Variants in ADAMTS20 observed in about 807,000 individuals in gnomAD.
ADAMTS20 encodes the protein ADAM metallopeptidase with thrombospondin type 1 motif 20.
Under a neutral mutation model 260.1 loss-of-function variants are expected in ADAMTS20, and 225 were observed. The ratio of observed to expected loss-of-function variants is 0.87; its 90% CI spans 0.78 to 0.97. The LOEUF is 0.97. Among genes scored for constraint, ADAMTS20 ranks in the 50% least tolerant of loss-of-function variants. The pLI, the probability that ADAMTS20 is intolerant of heterozygous loss-of-function variation, is 0.00. For synonymous variants in ADAMTS20, 802 were observed against 769.5 expected, an observed-to-expected ratio of 1.04 and a Z score of -0.70; for missense variants, 2,400 against 2,337.7, an observed-to-expected ratio of 1.03 and a Z score of -0.55.
chr12:43,520,903 T>C (rs1277342541), intron 3 of ADAMTS20, among the ~76,000 whole-genome samples: 1 of 152,244 alleles, frequency 6.6e-6, no homozygotes, highest in African/African-American at 2.4e-5. Context: ...TGTTTCTTTT[T>C]GTTTTTTTCC....
At chr12:43,437,814 G>GTC (rs1941585103) in intron 18 of ADAMTS20, among the ~76,000 whole-genome samples, 1 of 151,786 alleles carries the variant, frequency 6.6e-6, no homozygotes, top group South Asian at 2.1e-4. Context: ...AATAATGAAG[G>GTC]AAAATCTCAA....
chr12:43,376,204 TTAAAA>T (rs1940223774), intron 34 of ADAMTS20, 27 bp downstream of exon 34: 2 of 1,539,872 alleles, frequency 1.3e-6, no homozygotes, highest in African/African-American at 1.4e-5. Context: ...ATGATCAATG[TTAAAA>T]TAAAAAAGGA....
At position 43,551,000 on chromosome 12, in the gene ADAMTS20, G is replaced by A. The variant is rs774730429; in HGVS notation, c.362C>T (p.Ala121Val). 6.2e-6 allele frequency: 10 copies of A among 1,613,226 alleles called. No homozygotes were observed. In the South Asian group the frequency reaches 1.1e-4, roughly 18 times the overall value. The part of the protein sequence containing the change: ...TPERGAWESD[A>V]GPSDLRHCFY... ...GCAGTGGCGCAGGTCCGAGGGCCCT[G>A]CGTCGCTCTCCCAGGCCCCGCGCTC... Residue 121 changes from alanine (A) to valine (V), a missense_variant, in exon 2 of 39, where the codon GCA becomes GTA. By Grantham distance (64) the Ala-to-Val change is moderately conservative (BLOSUM62 0). Transcript: ENST00000389420.
At chr12:43,468,393 CTT>C (rs1942192874) in intron 8 of ADAMTS20, among the ~76,000 whole-genome samples, 1 of 152,148 alleles carries the variant, frequency 6.6e-6, no homozygotes, top group African/African-American at 2.4e-5. Flanking sequence ...AGTTCTAGTT[CTT>C]TGCTTAGTCT....
chr12:43,495,082 TATA>T (rs1195405403), intron 4 of ADAMTS20, among the ~76,000 whole-genome samples: 1 of 152,208 alleles, frequency 6.6e-6, no homozygotes, highest in Non-Finnish European at 1.5e-5. Context: ...ATCTGGATGT[TATA>T]ATATCAGCTA....
intron 3 of ADAMTS20, among the ~76,000 whole-genome samples, chr12:43,513,812 C>CA (rs1036965214): frequency 2.0e-5 from 3 of 149,604 alleles, no homozygotes; most frequent in East Asian, 2.0e-4. Context: ...ATTGCAAGGA[C>CA]AAAAAAACAA....
Position 43,454,042 on chromosome 12 carries a change from T to C in ADAMTS20, c.1625A>G (p.His542Arg). 6.2e-7 allele frequency: 1 copy of C among 1,612,600 alleles called. No homozygotes were observed. Residue 542 changes from histidine (H) to arginine (R), a missense_variant, in exon 12 of 39, where the codon CAT (histidine) becomes CGT (arginine). Transcript: ENST00000389420. ...CGTTTCTTTGTTTACACATAGCCCA[T>C]GACGGCAATGCTATAAAAATAATAA... ...TDCGPGMHCRHGLCVNKETET... is the reference protein window; with the variant it reads ...TDCGPGMHCRRGLCVNKETET...
chr12:43,431,733 TAGA>T (rs1941447767), intron 21 of ADAMTS20, among the ~76,000 whole-genome samples: 1 of 152,174 alleles, frequency 6.6e-6, no homozygotes, highest in African/African-American at 2.4e-5. Flanking sequence ...AAACTAACCT[TAGA>T]ATAAGTATTC....
At position 43,532,097 on chromosome 12, in the gene ADAMTS20, A is replaced by C. The variant is rs1943229504; in HGVS notation, c.552T>G (p.Leu184=). The part of the protein sequence containing the change: ...EYEDGHNKPH[L]IYRQDLNNSF... Reference sequence around the variant, plus strand: ...AGTTATTTAAGTCTTGTCTGTATATAAGATGTGGCTTGTTGTGACCATCTT... The same window carrying C: ...AGTTATTTAAGTCTTGTCTGTATATCAGATGTGGCTTGTTGTGACCATCTT... The change falls in exon 3 of 39, where the codon CTT becomes CTG. Residue 184 remains leucine (L), a synonymous_variant. Transcript: ENST00000389420. The C allele has an allele frequency of 6.2e-7, 1 of 1,612,450 alleles. No homozygotes were observed. Among genetic ancestry groups the C allele is most frequent in the Non-Finnish European group, 8.5e-7 (1 of 1,179,290 alleles).
intron 37 of ADAMTS20, among the ~76,000 whole-genome samples, chr12:43,363,465 G>A (rs558483680): frequency 1.8e-4 from 27 of 152,172 alleles, no homozygotes; most frequent in African/African-American, 6.5e-4. Context: ...TGCTGACAAG[G>A]TCAAAAGCCA....
At chr12:43,424,963 T>C (rs1330102487) in intron 28 of ADAMTS20, among the ~76,000 whole-genome samples, 7 of 151,992 alleles carry the variant, frequency 4.6e-5, no homozygotes, top group Admixed American at 4.6e-4. Flanking sequence ...ACAAAGTGTA[T>C]GCATCCCACA....
At chr12:43,387,700 T>G (rs954305439) in intron 29 of ADAMTS20, among the ~76,000 whole-genome samples, 48 of 152,184 alleles carry the variant, frequency 3.2e-4, no homozygotes, top group African/African-American at 1.1e-3. Flanking sequence ...AGCAGAGGAA[T>G]CTAGAGAGGC....
chr12:43,404,709 A>G (rs979055314), intron 28 of ADAMTS20, among the ~76,000 whole-genome samples: 17 of 152,268 alleles, frequency 1.1e-4, no homozygotes, highest in African/African-American at 4.1e-4. Context: ...ATCAAAACTA[A>G]TATTTAATAC....
At position 43,369,326 on chromosome 12, in the gene ADAMTS20, T is replaced by A; in HGVS notation, c.5502A>T (p.Thr1834=). ...TGAAAGCACTGTAGCAATCTCCAGC[T>A]GTGGCAAATGGAACTGCATTTCCAA... is the stretch of plus-strand genomic sequence containing the variant. ...TIFGNAVPFA[T]AGDCYSAFRC... The change falls in exon 37 of 39, where the codon ACA becomes ACT. Residue 1834 remains threonine (T), a synonymous_variant. Coordinates refer to ENST00000389420, the MANE Select transcript of ADAMTS20 (RefSeq NM_025003.5). The A allele has an allele frequency of 6.4e-7, 1 of 1,560,368 alleles. No homozygotes were observed. The highest frequency in any genetic ancestry group is 8.7e-7 in the Non-Finnish European group (1 of 1,154,560).
chr12:43,411,483 T>A (rs1380323527), intron 28 of ADAMTS20, among the ~76,000 whole-genome samples: 3 of 152,144 alleles, frequency 2.0e-5, no homozygotes, highest in African/African-American at 7.2e-5. Flanking sequence ...TTCTCCTGCC[T>A]CAGCCTCCCA....
chr12:43,414,987 G>A (rs1592056785), intron 28 of ADAMTS20, among the ~76,000 whole-genome samples: 1 of 152,074 alleles, frequency 6.6e-6, no homozygotes, highest in East Asian at 1.9e-4. Context: ...ATTCATAGAA[G>A]TCATACAAGT....
At chr12:43,394,195 T>A (rs1415509061) in intron 29 of ADAMTS20, among the ~76,000 whole-genome samples, 1 of 152,136 alleles carries the variant, frequency 6.6e-6, no homozygotes, top group Admixed American at 6.6e-5. Flanking sequence ...GATTTTGTTA[T>A]ACGAAAAATA....
chr12:43,459,863 A>G (rs1046601332), intron 11 of ADAMTS20, among the ~76,000 whole-genome samples: 3 of 152,208 alleles, frequency 2.0e-5, no homozygotes, highest in Non-Finnish European at 2.9e-5. Flanking sequence ...TTTTTAAAAA[A>G]TAATTTGATA....
At chr12:43,527,401 C>T (rs12317304) in intron 3 of ADAMTS20, among the ~76,000 whole-genome samples, 2,278 of 152,130 alleles carry the variant, frequency 0.015, 52 homozygotes, top group African/African-American at 0.051. Context: ...AAAGAAAACA[C>T]AGACCAATAT....
Sources: gnomAD v4.1 joint callset for allele counts (sites outside exome capture counted in the v4.1 genomes callset) on GRCh38, gnomAD v4.1.1 for gene constraint, MANE v1.5 for transcripts, NCBI Gene and HGNC (gene_info 2026-07-23, HGNC 2026-07-21) for gene names.